TP73: variants seen among roughly 807,000 people sequenced by gnomAD.
TP73 encodes the protein p53-like transcription factor.
Under a neutral mutation model 62.5 loss-of-function variants are expected in TP73, and 25 were observed. The observed-to-expected ratio is 0.40, with a 90% CI of 0.29 to 0.56. The LOEUF is 0.56. Ranked by LOEUF, TP73 falls within the 20% of genes least tolerant of loss-of-function variation. The pLI is 0.46. For missense variants in TP73, 754 were observed against 913.3 expected, an observed-to-expected ratio of 0.83 and a Z score of 2.25; for synonymous variants, 423 against 377.5, an observed-to-expected ratio of 1.12 and a Z score of -1.40.
chr1:3,690,808 G>A (rs936491258), intron 3 of TP73: 34 of 1,532,702 alleles, frequency 2.2e-5, no homozygotes, highest in Non-Finnish European at 2.8e-5. Context: ...GCTGCCGGGC[G>A]GCCACGACCG....
rs1213355966 is a variant in TP73, at chr1:3,666,896, A to C, written c.-34+14255A>C. Among the ~76,000 whole-genome samples, 3 of 152,178 alleles carry C rather than the reference A, an allele frequency of 2.0e-5. No homozygotes were observed. Among genetic ancestry groups the C allele is most frequent in the African/African-American group, 7.2e-5 (3 of 41,442 alleles). ...TTGGCAAAAAAAAGTGGCTCCCCAA[A>C]GGTCTTCACGTCCCAATCCCCAGAA... On this transcript the variant is annotated intron_variant, in intron 1 of 13. Transcript: ENST00000378295. This position sits in a 1 kb window ranked among gnomAD's most constrained non-coding sequence, Gnocchi z 6.4.
chr1:3,656,216 G>A (rs932603030), intron 1 of TP73, among the ~76,000 whole-genome samples: 1 of 151,956 alleles, frequency 6.6e-6, no homozygotes, highest in Admixed American at 6.5e-5. Flanking sequence ...TGGCATTTGA[G>A]TGTAAGACAG....
At chr1:3,721,089 G>T (rs1173356690) in intron 4 of TP73, among the ~76,000 whole-genome samples, 1 of 152,252 alleles carries the variant, frequency 6.6e-6, no homozygotes, top group Non-Finnish European at 1.5e-5. Context: ...GTGACCAGGA[G>T]CCAGACGCTT....
Position 3,652,574 on chromosome 1 carries a change from AG to A in TP73, c.-100del, listed in dbSNP as rs1644777972. On this transcript the variant is annotated 5_prime_UTR_variant, in exon 1 of 14. Transcript: ENST00000378295. ...GCTCGCGCGCCCGCGAAGGGGACGC[AG>A]CGAAACCGGGGCCCGCGCCAGGCCA... 6.6e-6 allele frequency: 1 copy of A among 151,638 alleles called. No individual in the cohort carries two copies. The highest frequency in any genetic ancestry group is 1.5e-5 in the Non-Finnish European group (1 of 67,918). The allele number at this position is 151,638 out of a possible 1,614,324, so 9.4% of individuals were successfully genotyped here. A position where few individuals can be genotyped will look rare whatever the true frequency, so the allele number is the denominator to read the frequency against.
intron 4 of TP73, among the ~76,000 whole-genome samples, chr1:3,719,122 G>T (rs947399487): frequency 4.6e-5 from 7 of 151,962 alleles, no homozygotes; most frequent in Non-Finnish European, 1.0e-4. Flanking sequence ...CACCCCGGCC[G>T]GGGTCTGTTT....
intron 3 of TP73, among the ~76,000 whole-genome samples, chr1:3,706,581 T>C (rs1050100455): frequency 2.0e-5 from 3 of 152,080 alleles, no homozygotes; most frequent in Non-Finnish European, 4.4e-5. Flanking sequence ...TTTATACATG[T>C]GCAGTCTTCC....
At chr1:3,709,344 C>G (rs72846536) in intron 4 of TP73, among the ~76,000 whole-genome samples, 5,237 of 152,278 alleles carry the variant, frequency 0.034, 317 homozygotes, top group African/African-American at 0.12. Context: ...CAGGCAATGC[C>G]GACCCCAGTG....
At chr1:3,676,681 G>T (rs1451384391) in intron 1 of TP73, among the ~76,000 whole-genome samples, 1 of 152,002 alleles carries the variant, frequency 6.6e-6, no homozygotes, top group East Asian at 1.9e-4. Context: ...TGGAGTCCCA[G>T]CTCCTCAGCC....
At chr1:3,721,894 G>A in intron 4 of TP73, 127 bp from the exon 5 acceptor site, 1 of 977,814 alleles carries the variant, frequency 1.0e-6, no homozygotes, top group Non-Finnish European at 1.5e-6. Flanking sequence ...GGCTGCTTGG[G>A]GCAGTCTTCA....
At chr1:3,729,566 G>T (rs1641961682) in intron 10 of TP73, 118 bp downstream of exon 10, 14 of 1,564,242 alleles carry the variant, frequency 9.0e-6, no homozygotes, top group East Asian at 2.3e-5. Context: ...GGGACAGGCA[G>T]CAGGGTCCAG....
chr1:3,712,622 C>T (rs1397349348), intron 4 of TP73, among the ~76,000 whole-genome samples: 1 of 152,180 alleles, frequency 6.6e-6, no homozygotes. Flanking sequence ...GAGGCATGAT[C>T]CAATTTACGT....
chr1:3,664,446 G>C (rs1192393860), intron 1 of TP73, among the ~76,000 whole-genome samples: 1 of 152,130 alleles, frequency 6.6e-6, no homozygotes, highest in African/African-American at 2.4e-5. Context: ...CCTCCTGCAG[G>C]AGAGGTGCAG....
chr1:3,733,214 T>A lies in TP73; in HGVS notation c.*135T>A, dbSNP rs921955737. The A allele has an allele frequency of 1.0e-5, 11 of 1,092,340 alleles. No individual in the cohort carries two copies. Among genetic ancestry groups the A allele is most frequent in the Non-Finnish European group, 1.4e-5 (11 of 785,584 alleles). The allele number at this position is 1,092,340 out of a possible 1,614,324, so 67.7% of individuals were successfully genotyped here. ...CCGGGGAAAGGCAAGGTCCGGCCCA[T>A]CCCCAGGCACCTCACAGGCCCCAGG... On this transcript the variant is annotated 3_prime_UTR_variant, in exon 14 of 14. Coordinates refer to ENST00000378295, the MANE Select transcript of TP73 (RefSeq NM_005427.4).
At chr1:3,731,228 G>A (rs1642115364) in intron 12 of TP73, among the ~76,000 whole-genome samples, 163 bp downstream of exon 12, 1 of 152,216 alleles carries the variant, frequency 6.6e-6, no homozygotes, top group African/African-American at 2.4e-5. Context: ...ATCTGCAGAT[G>A]CTGGGGAAAT....
chr1:3,653,111 C>A (rs1644792359), intron 1 of TP73, among the ~76,000 whole-genome samples: 1 of 152,246 alleles, frequency 6.6e-6, no homozygotes, highest in East Asian at 1.9e-4. Context: ...CTCAGCTTCC[C>A]TGAGGAGCCA....
rs774443848 is a variant in TP73, at chr1:3,730,082, G to C, written c.1279G>C (p.Val427Leu). The change falls in exon 11 of 14, where the codon GTC becomes CTC. Residue 427 changes from valine to leucine, a missense_variant. Coordinates refer to ENST00000378295, the MANE Select transcript of TP73 (RefSeq NM_005427.4). ...VHGGMNKLPS[V>L]NQLVGQPPPH... ...CGGGGGCATGAACAAGCTGCCCTCCGTCAACCAGCTGGTGGGCCAGCCTCC... is the reference window on the plus strand; with the variant it reads ...CGGGGGCATGAACAAGCTGCCCTCCCTCAACCAGCTGGTGGGCCAGCCTCC... 1.2e-5 allele frequency: 19 copies of C among 1,597,976 alleles called. No individual in the cohort carries two copies. The East Asian group carries it at 4.1e-4, about 34-fold the overall frequency.
chr1:3,690,792 G>T (rs976099964), intron 3 of TP73: 5 of 1,525,762 alleles, frequency 3.3e-6, no homozygotes, highest in Non-Finnish European at 3.5e-6. Flanking sequence ...CTCCCGCTCG[G>T]TCCACGCTGC....
In TP73 at chr1:3,707,779, A is replaced by G. The variant is rs142167148; in HGVS notation, c.417A>G (p.Ser139=). The part of the protein sequence containing the change: ...VTFQQSSTAK[S]ATWTYSPLLK... ...TCCAGCAGTCCAGCACGGCCAAGTC[A>G]GCCACCTGGACGGTGAGTTCCCCTA... The change falls in exon 4 of 14, where the codon TCA becomes TCG. Residue 139 remains serine (S), a synonymous_variant. Transcript: ENST00000378295. 2.5e-6 allele frequency: 4 copies of G among 1,612,660 alleles called. No individual in the cohort carries two copies. The highest frequency in any genetic ancestry group is 3.4e-6 in the Non-Finnish European group (4 of 1,179,872).
At chr1:3,712,235 G>A (rs900944084) in intron 4 of TP73, 3 of 152,264 alleles carry the variant, frequency 2.0e-5, no homozygotes, top group African/African-American at 4.8e-5. Flanking sequence ...GAGATGAAAC[G>A]TGGATTATTA....
Sources: allele counts gnomAD v4.1 joint callset (sites outside exome capture counted in the v4.1 genomes callset), GRCh38; gene constraint gnomAD v4.1.1; non-coding constraint Gnocchi (gnomAD v3.1); transcripts MANE v1.5; gene names NCBI Gene and HGNC (gene_info 2026-07-23, HGNC 2026-07-21).